NF1: variants seen among roughly 807,000 people sequenced by gnomAD.
The protein encoded by NF1 is neurofibromin.
A neutral mutation model predicts 325.7 loss-of-function variants in NF1; 122 were observed. That is an observed-to-expected ratio of 0.37 (90% CI 0.32 to 0.44). NF1 has a LOEUF of 0.44. Among genes scored for constraint, NF1 ranks in the 20% least tolerant of loss-of-function variants. The pLI is 1.00. For synonymous variants in NF1, 1,091 were observed against 1,186.0 expected, an observed-to-expected ratio of 0.92 and a Z score of 1.65; for missense variants, 2,140 against 3,415.4, an observed-to-expected ratio of 0.63 and a Z score of 9.31.
chr17:31,109,548 TA>T (rs1913223027), intron 1 of NF1, among the ~76,000 whole-genome samples: 1 of 152,162 alleles, frequency 6.6e-6, no homozygotes, highest in Admixed American at 6.5e-5. Flanking sequence ...GATGCCCGGC[TA>T]ATTTTTGTAT....
At chr17:31,351,913 ATGTGGCCCAGTATATTCTTCTAATTCCAG>A (rs937316310) in intron 50 of NF1, among the ~76,000 whole-genome samples, 2 of 150,168 alleles carry the variant, frequency 1.3e-5, no homozygotes, top group African/African-American at 4.9e-5. Flanking sequence ...TGTATTTTAT[ATGTGGCCCAGTATATTCTTCTAATTCCAG>A]TGTGGCCCAG....
intron 50 of NF1, among the ~76,000 whole-genome samples, chr17:31,351,330 C>G (rs1361763265): frequency 6.6e-6 from 1 of 152,138 alleles, no homozygotes; most frequent in Non-Finnish European, 1.5e-5. Context: ...ATTCTCACCA[C>G]AAAAGATAAA....
rs138858907 is a variant in NF1 at position 31,110,972 on chromosome 17, T to C, written c.60+15603T>C. 6.6e-5 allele frequency among the ~76,000 whole-genome samples: 10 copies of C among 152,262 alleles called. No individual in the cohort carries two copies. In the East Asian group the frequency reaches 1.9e-3, roughly 29 times the overall value. On this transcript the variant is annotated intron_variant, in intron 1 of 57. Coordinates refer to ENST00000358273, the MANE Select transcript of NF1 (RefSeq NM_001042492.3). ...AAGTTCCACGAGAGCAGGGCCTATG[T>C]CTGTTTTGTTCGTTGTTGTACTCCC...
intron 36 of NF1, among the ~76,000 whole-genome samples, chr17:31,321,280 G>A (rs773629018): frequency 1.3e-5 from 2 of 151,806 alleles, no homozygotes; most frequent in South Asian, 2.1e-4. Flanking sequence ...TAGATCCTTC[G>A]TAATCCTAAT....
intron 8 of NF1, among the ~76,000 whole-genome samples, chr17:31,192,931 AT>A (rs948074469): frequency 2.6e-5 from 4 of 152,214 alleles, no homozygotes; most frequent in Admixed American, 6.5e-5. Context: ...AAGTCCTCAC[AT>A]GGCTTTTAAA....
chr17:31,316,845 A>C (rs2069032566), intron 36 of NF1, among the ~76,000 whole-genome samples: 1 of 152,220 alleles, frequency 6.6e-6, no homozygotes. Flanking sequence ...ATTGATAATA[A>C]AAATGATGCT....
At chr17:31,189,332 G>A (rs2066298835) in intron 8 of NF1, among the ~76,000 whole-genome samples, 1 of 97,866 alleles carries the variant, frequency 1.0e-5, no homozygotes, top group Non-Finnish European at 2.9e-5. Flanking sequence ...TTGTCTCCTA[G>A]CTTTTTTGGT....
intron 36 of NF1, chr17:31,317,862 GCTCT>G (rs916374555): frequency 6.3e-5 from 10 of 159,912 alleles, no homozygotes; most frequent in African/African-American, 1.2e-4. Context: ...ACACAGTTTA[GCTCT>G]CTCTATCTAT....
intron 14 of NF1, among the ~76,000 whole-genome samples, chr17:31,221,223 A>G (rs1465621089): frequency 2.0e-5 from 3 of 151,884 alleles, no homozygotes; most frequent in Non-Finnish European, 2.9e-5. Flanking sequence ...TAATCTATTT[A>G]TATGTTATAT....
intron 10 of NF1, 75 bp downstream of exon 10, chr17:31,201,234 T>G: frequency 6.3e-7 from 1 of 1,576,276 alleles, no homozygotes; most frequent in South Asian, 1.1e-5. Context: ...CTATAGAGAT[T>G]AATAGGTTCA....
rs151138158 is a variant in NF1, at chr17:31,225,225, G to A, written c.1976G>A (p.Arg659Gln). The change falls in exon 17 of 58, where the codon CGG (arginine) becomes CAG (glutamine). Residue 659 changes from arginine to glutamine, a missense_variant. Around this residue, in one of 10 missense-constraint regions of NF1, gnomAD observed 380 missense variants for 639.3 expected, o/e 0.59. Transcript: ENST00000358273. ...ELLRTPGASL[R>Q]KGKGNSSMDS... is the part of the protein sequence containing the mutation. ...CTACGTACTCCTGGAGCCTCTCTCC[G>A]GAAGGGAAAAGGGAACTCCTCTATG... The A allele has an allele frequency of 2.4e-4, 386 of 1,613,716 alleles. No homozygotes were observed. Among genetic ancestry groups the A allele is most frequent in the East Asian group, 6.7e-5 (3 of 44,854 alleles).
chr17:31,122,052 G>A (rs543778292), intron 1 of NF1, among the ~76,000 whole-genome samples: 11 of 152,328 alleles, frequency 7.2e-5, no homozygotes, highest in African/African-American at 2.4e-4. Context: ...TCAGGGAGCT[G>A]TTGAAGAGTA....
rs1314766383 is a variant in NF1 at position 31,229,280 on chromosome 17, A to C, written c.2665A>C (p.Thr889Pro). ...SVMSSEGNAD[T>P]PVSKFMDRLL... is the part of the protein sequence containing the mutation. Reference sequence around the variant, plus strand: ...GATGTCTTCAGAGGGAAACGCAGATACACCTGTCAGCAAATTTATGGATCG... The same window carrying C: ...GATGTCTTCAGAGGGAAACGCAGATCCACCTGTCAGCAAATTTATGGATCG... Residue 889 changes from threonine to proline, a missense_variant, in exon 21 of 58, where the codon ACA becomes CCA. Around this residue, in one of 10 missense-constraint regions of NF1, gnomAD observed 380 missense variants for 639.3 expected, o/e 0.59. Coordinates refer to ENST00000358273, the MANE Select transcript of NF1 (RefSeq NM_001042492.3). 6.2e-7 allele frequency: 1 copy of C among 1,613,806 alleles called. No individual in the cohort carries two copies. Among genetic ancestry groups the C allele is most frequent in the Non-Finnish European group, 8.5e-7 (1 of 1,179,840 alleles).
At chr17:31,157,410 T>C (rs1555605094) in intron 2 of NF1, among the ~76,000 whole-genome samples, 1 of 152,184 alleles carries the variant, frequency 6.6e-6, no homozygotes, top group Non-Finnish European at 1.5e-5. Context: ...TATTAGATAA[T>C]ATTCTAGTAT....
intron 1 of NF1, among the ~76,000 whole-genome samples, chr17:31,139,388 A>ACACACACT (rs978556086): frequency 2.7e-5 from 4 of 150,394 alleles, no homozygotes; most frequent in African/African-American, 9.7e-5. Flanking sequence ...ACACACACAC[A>ACACACACT]CACACACACA....
At chr17:31,138,099 T>A (rs1915909275) in intron 1 of NF1, 1 of 152,148 alleles carries the variant, frequency 6.6e-6, no homozygotes, top group Admixed American at 6.5e-5. Flanking sequence ...TGTTATTCTC[T>A]GGCAACGTCT....
chr17:31,232,186 T>A lies in NF1; in HGVS notation c.3311T>A (p.Leu1104His). The A allele has an allele frequency of 6.3e-7, 1 of 1,591,824 alleles. No individual in the cohort carries two copies. The highest frequency in any genetic ancestry group is 8.6e-7 in the Non-Finnish European group (1 of 1,160,024). ...ATGGAAGCCAAATCACAGTTATTTC[T>A]TAAGTAAATTTCAGTCACCAAAAAA... ...ELMEAKSQLF[L>H]KYFTLFMNLL... The change falls in exon 25 of 58, where the codon CTT becomes CAT. Residue 1104 changes from leucine to histidine, a missense_variant. Physicochemically the swap from Leu to His is moderately conservative, Grantham distance 99. Transcript: ENST00000358273.
intron 57 of NF1, among the ~76,000 whole-genome samples, chr17:31,365,278 C>CAAGAAAAAAAA (rs2070489957): frequency 9.9e-6 from 1 of 101,118 alleles, no homozygotes; most frequent in Non-Finnish European, 1.8e-5. Context: ...GAACCTATCT[C>CAAGAAAAAAAA]AAAAAAAAAA....
At chr17:31,136,832 A>C (rs1281612459) in intron 1 of NF1, 1 of 152,192 alleles carries the variant, frequency 6.6e-6, no homozygotes, top group Non-Finnish European at 1.5e-5. Flanking sequence ...TAGGAAAAAA[A>C]CATAGTATAT....
Sources: allele counts gnomAD v4.1 joint callset (sites outside exome capture counted in the v4.1 genomes callset), GRCh38; gene constraint gnomAD v4.1.1; regional missense constraint gnomAD v4.1.1; transcripts MANE v1.5; gene names NCBI Gene and HGNC (gene_info 2026-07-23, HGNC 2026-07-21).